Variants in FMN1 observed in about 807,000 individuals in gnomAD.
FMN1 encodes the protein formin-1.
In FMN1, 110 loss-of-function variants were observed where a neutral mutation model predicts 132.4. That is an observed-to-expected ratio of 0.83 (90% CI 0.71 to 0.97). FMN1 has a LOEUF of 0.97. Among genes scored for constraint, FMN1 ranks in the 50% least tolerant of loss-of-function variants. The probability of loss-of-function intolerance (pLI) is 0.00; values close to 1 mark genes in which losing one functional copy is unlikely to be tolerated. For missense variants in FMN1, 1,792 were observed against 1,705.3 expected (o/e 1.05, Z -0.90); for synonymous variants, 722 against 651.7 (o/e 1.11, Z -1.64).
chr15:32,874,180 C>T (rs1400906551), intron 16 of FMN1, among the ~76,000 whole-genome samples: 1 of 151,802 alleles, frequency 6.6e-6, no homozygotes, highest in Non-Finnish European at 1.5e-5. Flanking sequence ...TGCCACCACG[C>T]CCAGCTAATT....
chr15:33,104,189 A>C (rs1477466514), intron 4 of FMN1, among the ~76,000 whole-genome samples: 2 of 152,164 alleles, frequency 1.3e-5, no homozygotes, highest in Non-Finnish European at 2.9e-5. Context: ...TGAGACTCAC[A>C]TTGGTAAGAA....
chr15:32,998,454 A>C (rs343918), intron 7 of FMN1, among the ~76,000 whole-genome samples: 50,225 of 152,120 alleles, frequency 0.33, 9,159 homozygotes, highest in Middle Eastern at 0.47. Context: ...TGAAGCTAGA[A>C]GGAAACTTAC....
At chr15:33,011,341 G>GA (rs896503641) in intron 6 of FMN1, among the ~76,000 whole-genome samples, 1 of 151,800 alleles carries the variant, frequency 6.6e-6, no homozygotes, top group East Asian at 1.9e-4. Context: ...TATTGGCTGG[G>GA]AAAAAAATAT....
intron 6 of FMN1, among the ~76,000 whole-genome samples, chr15:33,034,309 C>CTTTGGGACGTCCCAGCACT (rs1165555567): frequency 6.6e-6 from 1 of 152,134 alleles, no homozygotes; most frequent in Admixed American, 6.6e-5. Context: ...AGGTCAAATA[C>CTTTGGGACGTCCCAGCACT]CCTGACGTCC....
intron 4 of FMN1, among the ~76,000 whole-genome samples, chr15:33,126,099 A>AT (rs1963039010): frequency 6.6e-6 from 1 of 152,142 alleles, no homozygotes; most frequent in South Asian, 2.1e-4. Flanking sequence ...CACTGTGTAA[A>AT]TGTTACGCTT....
chr15:33,191,169 C>CA (rs34891602), intron 2 of FMN1, among the ~76,000 whole-genome samples: 49,038 of 127,588 alleles, frequency 0.38, 9,422 homozygotes, highest in Non-Finnish European at 0.48. Flanking sequence ...GACTCCATCT[C>CA]AAAAAAAAAA....
chr15:33,187,049 TATATATTG>T (rs1225385364), intron 2 of FMN1, among the ~76,000 whole-genome samples: 4 of 152,234 alleles, frequency 2.6e-5, no homozygotes, highest in Non-Finnish European at 5.9e-5. Context: ...ACCCCACACC[TATATATTG>T]GGGTCATTCC....
At chr15:32,875,884 T>A (rs75007698) in intron 16 of FMN1, among the ~76,000 whole-genome samples, 1 of 152,186 alleles carries the variant, frequency 6.6e-6, no homozygotes, top group South Asian at 2.1e-4. Flanking sequence ...GCTTGGGCGC[T>A]GGCTTGGCAG....
At chr15:32,786,015 G>A (rs555992757) in intron 19 of FMN1, among the ~76,000 whole-genome samples, 2 of 152,130 alleles carry the variant, frequency 1.3e-5, no homozygotes, top group African/African-American at 4.8e-5. Flanking sequence ...AAATGGATAC[G>A]GTATGCTCTG....
chr15:33,001,110 C>T (rs8030413), intron 7 of FMN1, among the ~76,000 whole-genome samples: 145 of 152,316 alleles, frequency 9.5e-4, no homozygotes, highest in African/African-American at 3.2e-3. Flanking sequence ...TGGCCAAACC[C>T]TGTCTCAACT....
intron 14 of FMN1, 45 bp downstream of exon 14, chr15:32,899,934 G>T: frequency 6.3e-7 from 1 of 1,586,758 alleles, no homozygotes; most frequent in Non-Finnish European, 8.6e-7. Flanking sequence ...GGTAAAGAAA[G>T]AAAATAATGG....
chr15:32,829,309 G>A (rs954828798), intron 17 of FMN1, among the ~76,000 whole-genome samples: 2 of 152,206 alleles, frequency 1.3e-5, no homozygotes, highest in South Asian at 2.1e-4. Flanking sequence ...GCGCTCCGGC[G>A]AAAGTTCTGT....
chr15:33,128,692 A>G (rs1963368761), intron 4 of FMN1, among the ~76,000 whole-genome samples: 1 of 152,214 alleles, frequency 6.6e-6, no homozygotes, highest in Admixed American at 6.5e-5. Context: ...GACTTCACGA[A>G]TAAACCCGCG....
chr15:33,074,737 C>T (rs1263674075), intron 5 of FMN1, among the ~76,000 whole-genome samples: 9 of 152,082 alleles, frequency 5.9e-5, no homozygotes, highest in Non-Finnish European at 1.0e-4. Flanking sequence ...GGACCTCAGC[C>T]GGGTGCAGTG....
At chr15:32,870,011 G>A (rs2059478343) in intron 16 of FMN1, among the ~76,000 whole-genome samples, 1 of 152,182 alleles carries the variant, frequency 6.6e-6, no homozygotes, top group South Asian at 2.1e-4. Flanking sequence ...AAATGGGGAA[G>A]TCGTTGGAAT....
chr15:32,938,067 AG>A (rs1209275256), intron 9 of FMN1, among the ~76,000 whole-genome samples: 2 of 152,216 alleles, frequency 1.3e-5, no homozygotes, highest in African/African-American at 4.8e-5. Context: ...TGAAGACTAT[AG>A]GAGAGAAAAA....
At chr15:33,126,035 G>A (rs974546596) in intron 4 of FMN1, among the ~76,000 whole-genome samples, 1 of 152,060 alleles carries the variant, frequency 6.6e-6, no homozygotes, top group Non-Finnish European at 1.5e-5. Flanking sequence ...CAAACTCACA[G>A]TGCAGTTGTG....
chr15:32,924,011 ACAGT>A (rs1567401572), intron 10 of FMN1, among the ~76,000 whole-genome samples: 1 of 152,194 alleles, frequency 6.6e-6, no homozygotes, highest in East Asian at 1.9e-4. Flanking sequence ...CTGCTTCAAA[ACAGT>A]CAGTCCTTTA....
chr15:32,795,334 TC>T (rs1279055366), intron 19 of FMN1, among the ~76,000 whole-genome samples: 1 of 152,142 alleles, frequency 6.6e-6, no homozygotes, highest in Non-Finnish European at 1.5e-5. Context: ...CACCTGCAAG[TC>T]CTTGCTTGAA....
Sources: gnomAD v4.1 joint callset for allele counts (sites outside exome capture counted in the v4.1 genomes callset) on GRCh38, gnomAD v4.1.1 for gene constraint, MANE v1.5 for transcripts, NCBI Gene and HGNC (gene_info 2026-07-23, HGNC 2026-07-21) for gene names.